Variants in AHCY observed in about 807,000 individuals in gnomAD.
AHCY encodes S-adenosyl-L-homocysteine hydrolase.
Under a neutral mutation model 45.4 loss-of-function variants are expected in AHCY, and 24 were observed. The observed-to-expected ratio is 0.53, with a 90% CI of 0.38 to 0.74. The LOEUF is 0.74. Among genes scored for constraint, AHCY ranks in the 30% least tolerant of loss-of-function variants. The pLI is 0.00. For missense variants in AHCY, 449 were observed against 594.1 expected, an observed-to-expected ratio of 0.76 and a Z score of 2.54; for synonymous variants, 245 against 235.1, an observed-to-expected ratio of 1.04 and a Z score of -0.39.
the AHCY span, among the ~76,000 whole-genome samples, chr20:34,256,668 G>A: frequency 6.6e-6 from 1 of 152,030 alleles, no homozygotes; most frequent in East Asian, 1.9e-4. Flanking sequence ...TACAGTTTTT[G>A]GCCCATGAGT....
chr20:34,284,326 A>AT (rs2036100886), intron 9 of AHCY, among the ~76,000 whole-genome samples: 1 of 151,816 alleles, frequency 6.6e-6, no homozygotes, highest in African/African-American at 2.4e-5. Flanking sequence ...TGCCCAGCTC[A>AT]TTTTTTTGTA....
At chr20:34,302,005 T>TA in intron 1 of AHCY, 1 of 888,852 alleles carries the variant, frequency 1.1e-6, no homozygotes, top group South Asian at 5.6e-5. Flanking sequence ...TTTTTTTGTT[T>TA]GTTTTTTTTT....
chr20:34,278,756 C>T (rs819173), downstream of AHCY, among the ~76,000 whole-genome samples: 114,570 of 151,952 alleles, frequency 0.75, 46,108 homozygotes, highest in Non-Finnish European at 0.89. Context: ...TAAGACCATA[C>T]CTTTTTACAT....
upstream of AHCY, among the ~76,000 whole-genome samples, chr20:34,304,594 G>A (rs1334093560): frequency 1.3e-5 from 2 of 150,004 alleles, no homozygotes; most frequent in South Asian, 4.2e-4. Context: ...ATCTAGGCTC[G>A]CTGCAACCTC....
the AHCY span, among the ~76,000 whole-genome samples, chr20:34,236,637 G>A: frequency 3.9e-5 from 6 of 152,090 alleles, no homozygotes; most frequent in Non-Finnish European, 7.4e-5. Context: ...AATTGCCTGA[G>A]CCCAGGAGTT....
At chr20:34,305,711 A>G (rs1601692902), upstream of AHCY, among the ~76,000 whole-genome samples, 4 of 152,230 alleles carry the variant, frequency 2.6e-5, no homozygotes, top group East Asian at 7.7e-4. Context: ...TCTTTCTGGT[A>G]TGAATGCTGG....
At chr20:34,236,305 C>T in the AHCY span, among the ~76,000 whole-genome samples, 12 of 151,594 alleles carry the variant, frequency 7.9e-5, no homozygotes, top group Non-Finnish European at 1.3e-4. Flanking sequence ...TTTGGGAGGC[C>T]GAAGCGGGCA....
At chr20:34,265,334 G>A in the AHCY span, among the ~76,000 whole-genome samples, 7 of 151,686 alleles carry the variant, frequency 4.6e-5, no homozygotes, top group East Asian at 1.4e-3. Context: ...ACCAGCCTGA[G>A]CAACATGATG....
the AHCY span, among the ~76,000 whole-genome samples, chr20:34,254,460 T>C: frequency 2.0e-5 from 3 of 152,204 alleles, no homozygotes; most frequent in African/African-American, 7.2e-5. Flanking sequence ...TTACCTGTAA[T>C]TGCAAAATCC....
At chr20:34,303,368 C>G, upstream of AHCY, 2 of 1,506,816 alleles carry the variant, frequency 1.3e-6, no homozygotes, top group Non-Finnish European at 9.0e-7. Context: ...ATGCGCGTGG[C>G]GCCGACGCCT....
At chr20:34,272,957 G>A in the AHCY span, among the ~76,000 whole-genome samples, 2 of 152,256 alleles carry the variant, frequency 1.3e-5, no homozygotes, top group Admixed American at 1.3e-4. Context: ...TGCATAGGGT[G>A]AGGTATGGGA....
At chr20:34,269,357 G>A in the AHCY span, 1 of 713,784 alleles carries the variant, frequency 1.4e-6, no homozygotes, top group African/African-American at 1.9e-5. Flanking sequence ...AAGGTGTGCG[G>A]CTGTTTCTGT....
intron 1 of AHCY, among the ~76,000 whole-genome samples, chr20:34,295,852 T>C (rs1169739921): frequency 6.6e-6 from 1 of 151,986 alleles, no homozygotes; most frequent in Non-Finnish European, 1.5e-5. Flanking sequence ...TAAAGAAGCG[T>C]CCCTTTGAAA....
chr20:34,309,471 G>A (rs1187951012), intron 1 of AHCY, among the ~76,000 whole-genome samples: 3 of 152,042 alleles, frequency 2.0e-5, no homozygotes, highest in Non-Finnish European at 2.9e-5. Context: ...AGGCCAGCCC[G>A]AGCAATATAT....
chr20:34,252,728 C>T, the AHCY span, among the ~76,000 whole-genome samples: 1 of 152,088 alleles, frequency 6.6e-6, no homozygotes, highest in African/African-American at 2.4e-5. Flanking sequence ...TAAGGTCTTT[C>T]CTTTCCCACG....
the AHCY span, among the ~76,000 whole-genome samples, chr20:34,273,603 AG>A: frequency 1.2e-4 from 19 of 152,238 alleles, no homozygotes; most frequent in Admixed American, 1.2e-3. Flanking sequence ...GTCATACAGT[AG>A]GAACTTTAGA....
At position 34,292,472 on chromosome 20, in the gene AHCY, G is replaced by A. The variant is rs1189366791; in HGVS notation, c.331C>T (p.Leu111=). 4.3e-6 allele frequency: 7 copies of A among 1,614,144 alleles called. No individual in the cohort carries two copies. In the South Asian group the frequency reaches 6.6e-5, roughly 15 times the overall value. Residue 111 remains leucine (L), a synonymous_variant, in exon 4 of 10, where the codon CTG becomes TTG. Transcript: ENST00000217426. ...TACAGGGTCTGCTCAATGCACCACAGGTACTCCTCGTCCGTTTCGCCCTTC... is the reference window on the plus strand; with the variant it reads ...TACAGGGTCTGCTCAATGCACCACAAGTACTCCTCGTCCGTTTCGCCCTTC... ...AWKGETDEEY[L]WCIEQTLYFK... is the part of the protein sequence containing the mutation.
the AHCY span, among the ~76,000 whole-genome samples, chr20:34,270,127 C>T: frequency 2.0e-5 from 3 of 151,680 alleles, no homozygotes; most frequent in African/African-American, 4.8e-5. Flanking sequence ...TGGCATGCAC[C>T]GGTAGTCCCA....
the AHCY span, among the ~76,000 whole-genome samples, chr20:34,232,220 CT>C: frequency 1.3e-5 from 2 of 152,330 alleles, no homozygotes; most frequent in East Asian, 3.9e-4. Context: ...CTCAAAGTTG[CT>C]TGCTGCAAAG....
Sources: gnomAD v4.1 joint callset for allele counts (sites outside exome capture counted in the v4.1 genomes callset) on GRCh38, gnomAD v4.1.1 for gene constraint, MANE v1.5 for transcripts, NCBI Gene and HGNC (gene_info 2026-07-23, HGNC 2026-07-21) for gene names.